USP34: variants seen among roughly 807,000 people sequenced by gnomAD.
The protein encoded by USP34 is ubiquitin carboxyl-terminal hydrolase 34.
Under a neutral mutation model 460.3 loss-of-function variants are expected in USP34, and 70 were observed. The observed-to-expected ratio is 0.15, with a 90% CI of 0.13 to 0.19. USP34 has a LOEUF of 0.19. Ranked by LOEUF, USP34 falls within the 10% of genes least tolerant of loss-of-function variation. The pLI is 1.00. For synonymous variants in USP34, 1,647 were observed against 1,405.3 expected (o/e 1.17, Z -3.85); for missense variants, 3,985 against 4,236.2 (o/e 0.94, Z 1.65).
At chr2:61,241,858 T>G in intron 51 of USP34, 39 bp from the exon 52 acceptor site, 1 of 1,104,352 alleles carries the variant, frequency 9.1e-7, no homozygotes, top group Non-Finnish European at 1.3e-6. Context: ...TTTGAAAAAA[T>G]GGGTATACTC....
chr2:61,230,855 A>AC (rs1304066216), intron 58 of USP34, among the ~76,000 whole-genome samples: 2 of 151,034 alleles, frequency 1.3e-5, no homozygotes, highest in African/African-American at 2.4e-5. Flanking sequence ...AAAAAAAAAA[A>AC]AAACAAAACA....
At chr2:61,372,855 TTCAA>T (rs1387258378) in intron 8 of USP34, among the ~76,000 whole-genome samples, 2 of 152,050 alleles carry the variant, frequency 1.3e-5, no homozygotes, top group Non-Finnish European at 2.9e-5. Context: ...GAAAAAATAT[TTCAA>T]TACCCCAAAC....
chr2:61,457,910 A>T (rs985683353), intron 1 of USP34, among the ~76,000 whole-genome samples: 1 of 152,186 alleles, frequency 6.6e-6, no homozygotes, highest in African/African-American at 2.4e-5. Flanking sequence ...GGCAAGCAAG[A>T]CATCACAAAA....
chr2:61,259,370 A>T (rs1255942986), intron 44 of USP34, among the ~76,000 whole-genome samples: 1 of 151,974 alleles, frequency 6.6e-6, no homozygotes, highest in Non-Finnish European at 1.5e-5. Flanking sequence ...CACAGGGTAC[A>T]CCTAATTTGT....
At chr2:61,439,765 G>C (rs993869493) in intron 1 of USP34, among the ~76,000 whole-genome samples, 11 of 152,204 alleles carry the variant, frequency 7.2e-5, no homozygotes, top group Non-Finnish European at 1.5e-5. Flanking sequence ...GAGGCTGTGG[G>C]CAAAGGGTGG....
At chr2:61,334,032 A>G in intron 18 of USP34, 61 bp from the exon 19 acceptor site, 2 of 1,266,530 alleles carry the variant, frequency 1.6e-6, no homozygotes, top group East Asian at 2.6e-5. Context: ...AAATTCAGCC[A>G]TTTAAAATTT....
rs1418974277 is a variant in USP34, at chr2:61,405,949, G to A, written c.311C>T (p.Pro104Leu). Residue 104 changes from proline to leucine, a missense_variant, in exon 3 of 80, where the codon CCA (proline) becomes CTA (leucine). Pro to Leu is a moderately conservative substitution (Grantham distance 98). Around this residue, in one of 14 missense-constraint regions of USP34, gnomAD observed 331 missense variants for 293.7 expected, o/e 1.13. Transcript: ENST00000398571. ...ATTACACTCTCTATCTATATTCAGT[G>A]GTTCTTCTGCTTGATTACTCTCATC... ...WQDESNQAEE[P>L]LNIDRECNEG... is the part of the protein sequence containing the mutation. 7 of 1,612,994 alleles carry A rather than the reference G, an allele frequency of 4.3e-6. No individual in the cohort carries two copies. The highest frequency in any genetic ancestry group is 4.0e-5 in the African/African-American group (3 of 74,584).
At chr2:61,409,798 A>C (rs1693986056) in intron 2 of USP34, among the ~76,000 whole-genome samples, 1 of 152,194 alleles carries the variant, frequency 6.6e-6, no homozygotes, top group Non-Finnish European at 1.5e-5. Flanking sequence ...GATGATCTTC[A>C]AAGACAAAAA....
intron 1 of USP34, among the ~76,000 whole-genome samples, chr2:61,443,900 G>A (rs1427841249): frequency 6.6e-6 from 1 of 152,132 alleles, no homozygotes; most frequent in Non-Finnish European, 1.5e-5. Context: ...GAGGCTTCGT[G>A]TGTGGGGAGT....
At chr2:61,305,067 T>G (rs1690359871) in intron 27 of USP34, among the ~76,000 whole-genome samples, 1 of 152,226 alleles carries the variant, frequency 6.6e-6, no homozygotes, top group Non-Finnish European at 1.5e-5. Flanking sequence ...GGCTCACGCC[T>G]GTAATCCCAG....
At chr2:61,376,269 CAT>C (rs1692797772) in intron 8 of USP34, among the ~76,000 whole-genome samples, 1 of 152,188 alleles carries the variant, frequency 6.6e-6, no homozygotes, top group African/African-American at 2.4e-5. Flanking sequence ...ATATTTATCA[CAT>C]GCTTTTTCTG....
In USP34 at chr2:61,214,694, G is replaced by C. The variant is rs747075065; in HGVS notation, c.8048C>G (p.Ser2683Cys). ...AAGGGACACCAGAAGATAAGCTGCA[G>C]CTATAAAATGTAAAACAAAACTGTC... ...LAHNYPRVRTSAAYLLVSLIP... is the reference protein window; with the variant it reads ...LAHNYPRVRTCAAYLLVSLIP... The change falls in exon 68 of 80, where the codon TCT (serine) becomes TGT (cysteine). Residue 2683 changes from serine (S) to cysteine (C), a missense_variant and splice_region_variant. Physicochemically the swap from Ser to Cys is moderately radical, Grantham distance 112. This residue lies in a region of USP34 where 604 missense variants were observed against 684.8 expected (regional missense o/e 0.88). Transcript: ENST00000398571. 1.9e-6 allele frequency: 3 copies of C among 1,613,034 alleles called. No homozygotes were observed. The highest frequency in any genetic ancestry group is 1.7e-6 in the Non-Finnish European group (2 of 1,179,624).
chr2:61,295,985 G>A (rs886882981), intron 30 of USP34, among the ~76,000 whole-genome samples: 16 of 152,184 alleles, frequency 1.1e-4, no homozygotes, highest in Non-Finnish European at 1.9e-4. Flanking sequence ...TAAGCCAGGA[G>A]CAGTGGCTCA....
chr2:61,252,367 A>G (rs1235041442), intron 48 of USP34, among the ~76,000 whole-genome samples: 1 of 150,658 alleles, frequency 6.6e-6, no homozygotes, highest in African/African-American at 2.4e-5. Context: ...TTAAGTGTCA[A>G]TTGCTGCTAC....
chr2:61,265,803 A>G (rs1251597135), intron 42 of USP34, 181 bp downstream of exon 42: 1 of 697,342 alleles, frequency 1.4e-6, no homozygotes, highest in Non-Finnish European at 2.0e-6. Flanking sequence ...GAAGTATTTA[A>G]AATGCATATA....
intron 48 of USP34, among the ~76,000 whole-genome samples, chr2:61,256,007 G>T (rs1391936521): frequency 2.0e-5 from 3 of 152,230 alleles, no homozygotes; most frequent in Non-Finnish European, 2.9e-5. Flanking sequence ...GACATCTATT[G>T]TGGGGTCTTG....
At chr2:61,349,788 C>T (rs1691891068) in intron 12 of USP34, among the ~76,000 whole-genome samples, 1 of 151,872 alleles carries the variant, frequency 6.6e-6, no homozygotes, top group African/African-American at 2.4e-5. Context: ...TTGCATTGAG[C>T]CAAGATAGCA....
chr2:61,332,603 A>G lies in USP34; in HGVS notation c.2835-1232T>C, dbSNP rs564761650. Among the ~76,000 whole-genome samples the G allele has an allele frequency of 1.7e-3, 259 of 152,146 alleles. 1 individual carries two copies. The highest frequency in any genetic ancestry group is 6.1e-3 in the African/African-American group (253 of 41,558). ...ACACCTGCTCGCCCGTGTTAGCACC[A>G]AATGACTGCCTTTACTGCATTAGAA... On this transcript the variant is annotated intron_variant, in intron 19 of 79. Coordinates refer to ENST00000398571, the MANE Select transcript of USP34 (RefSeq NM_014709.4).
intron 5 of USP34, among the ~76,000 whole-genome samples, chr2:61,384,349 G>A (rs1316670218): frequency 6.6e-6 from 1 of 152,080 alleles, no homozygotes; most frequent in Non-Finnish European, 1.5e-5. Context: ...CTCTGATACT[G>A]AGTCTTGACA....
Sources: gnomAD v4.1 joint callset for allele counts (sites outside exome capture counted in the v4.1 genomes callset) on GRCh38, gnomAD v4.1.1 for gene constraint, gnomAD v4.1.1 regional missense constraint, MANE v1.5 for transcripts, NCBI Gene and HGNC (gene_info 2026-07-23, HGNC 2026-07-21) for gene names.